Variants in NBPF9 observed in about 807,000 individuals in gnomAD.
The protein encoded by NBPF9 is NBPF member 9.
NBPF9 carries 91 observed loss-of-function variants against 97.8 expected under a neutral mutation model. The observed-to-expected ratio is 0.93, with a 90% CI of 0.79 to 1.11. The LOEUF (loss-of-function observed/expected upper bound fraction) is 1.11, where lower values mean the gene tolerates loss of function less well. Among genes scored for constraint, NBPF9 ranks in the 50% least tolerant of loss-of-function variants. NBPF9 has a pLI of 0.00. For missense variants in NBPF9, 992 were observed against 939.5 expected (o/e 1.06, Z -0.73); for synonymous variants, 334 against 359.5 (o/e 0.93, Z 0.80).
intron 3 of NBPF9, among the ~76,000 whole-genome samples, chr1:149,099,718 C>A (rs1336311251): frequency 5.9e-5 from 9 of 152,056 alleles, no homozygotes; most frequent in Non-Finnish European, 1.0e-4. Context: ...GCGGTGATGG[C>A]TTATGCCTGT....
chr1:149,060,330 A>T (rs1375621214), intron 24 of NBPF9, 193 bp downstream of exon 24: 2 of 438,804 alleles, frequency 4.6e-6, no homozygotes, highest in Admixed American at 3.8e-5. Flanking sequence ...CTAGGAAGAG[A>T]GTCTTGCCCA....
exon 14 of NBPF9, chr1:149,072,740 G>T (rs781998487): frequency 1.4e-5 from 22 of 1,611,404 alleles, no homozygotes; most frequent in Non-Finnish European, 1.9e-5. Context: ...TTTGGACAAG[G>T]TGCTGTGCCA....
At chr1:149,077,445 G>A in intron 10 of NBPF9, 26 bp from the exon 11 acceptor site, 1 of 1,605,856 alleles carries the variant, frequency 6.2e-7, no homozygotes, top group East Asian at 2.2e-5. Context: ...GGACAGAGAT[G>A]ACAGAAGATT....
chr1:149,103,351 CG>C (rs1163898874), exon 1 of NBPF9: 3 of 152,100 alleles, frequency 2.0e-5, no homozygotes, highest in Admixed American at 6.5e-5. Flanking sequence ...CCCATCCAGA[CG>C]GCAGCCGCGC....
Position 149,058,925 on chromosome 1 carries a change from T to C in NBPF9, c.2758A>G (p.Arg920Gly), listed in dbSNP as rs1248289652. ...ATCACCTTCATAGTAAGGTACTCAC[T>C]GTCCACGTCAAGAGCCAAGCCAAGG... Residue 920 changes from arginine to glycine, a missense_variant and splice_region_variant, in exon 26 of 30, where the codon AGA becomes GGA. By Grantham distance (125) the Arg-to-Gly change is moderately radical. Coordinates refer to ENST00000584027, the Ensembl canonical transcript of NBPF9. 32 of 511,190 alleles carry C rather than the reference T, an allele frequency of 6.3e-5. 4 individuals are homozygous for C. The highest frequency in any genetic ancestry group is 1.1e-4 in the African/African-American group (4 of 35,380). 31.7% of individuals were successfully genotyped at this position (511,190 alleles called of 1,614,324 possible). A position where few individuals can be genotyped will look rare whatever the true frequency, so the allele number is the denominator to read the frequency against.
At chr1:149,056,145 T>C (rs1226386073) in intron 29 of NBPF9, among the ~76,000 whole-genome samples, 1 of 151,706 alleles carries the variant, frequency 6.6e-6, no homozygotes, top group East Asian at 2.0e-4. Context: ...GCTAGTGAAT[T>C]GGCCAGGTGA....
chr1:149,065,900 G>T, intron 17 of NBPF9: 1 of 686,638 alleles, frequency 1.5e-6, no homozygotes, highest in Non-Finnish European at 2.4e-6. Flanking sequence ...CGTGTGCTCA[G>T]TACATTTGCC....
intron 15 of NBPF9, 50 bp from the exon 16 acceptor site, chr1:149,071,189 T>C (rs1553652873): frequency 4.0e-6 from 5 of 1,250,732 alleles, no homozygotes; most frequent in South Asian, 3.7e-5. Context: ...CACAGAGGGA[T>C]TGGACCCCAG....
chr1:149,068,099 C>T lies in NBPF9; in HGVS notation c.1637+1495G>A. On this transcript the variant is annotated intron_variant, in intron 17 of 29. Transcript: ENST00000584027. ...GCTGACAGATTTTGTCACCACCAGG[C>T]CTGCCTTACAAGAGCTCCTAAAGGA... Among the ~76,000 whole-genome samples, 3 of 147,706 alleles carry T rather than the reference C, an allele frequency of 2.0e-5. 1 individual carries two copies. Among genetic ancestry groups the T allele is most frequent in the Admixed American group, 2.0e-4 (3 of 15,046 alleles).
chr1:149,072,926 A>G (rs1277936935), exon 14 of NBPF9: 32 of 1,606,716 alleles, frequency 2.0e-5, no homozygotes, highest in Non-Finnish European at 2.7e-5. Flanking sequence ...CCAGGACTTT[A>G]TATTGCCTAA....
chr1:149,076,230 C>T (rs1490172908), intron 11 of NBPF9, among the ~76,000 whole-genome samples: 1 of 151,366 alleles, frequency 6.6e-6, no homozygotes, highest in African/African-American at 2.4e-5. Flanking sequence ...CAGAGTCTCA[C>T]TCTGTCACGC....
At chr1:149,055,694 G>T (rs1553648643) in exon 30 of NBPF9, 2 of 1,611,788 alleles carry the variant, frequency 1.2e-6, no homozygotes, top group Admixed American at 1.7e-5. Context: ...AACACCAGGT[G>T]GAGACTTGTC....
In NBPF9 at chr1:149,073,879, AGAC is replaced by A. The variant is rs2079624879; in HGVS notation, c.989-12_989-10del. The A allele has an allele frequency of 6.9e-7, 1 of 1,443,070 alleles. No homozygotes were observed. Among genetic ancestry groups the A allele is most frequent in the South Asian group, 1.1e-5 (1 of 87,544 alleles). 89.4% of individuals were successfully genotyped at this position (1,443,070 alleles called of 1,614,324 possible). On this transcript the variant is annotated splice_polypyrimidine_tract_variant and intron_variant, in intron 12 of 29. Transcript: ENST00000584027. ...TTTACACTCTTCATACTCTGAGAAA[AGAC>A]AGACACGCCTGCCTCAGTGGAAGGC...
intron 11 of NBPF9, among the ~76,000 whole-genome samples, chr1:149,076,979 A>G (rs2079932062): frequency 1.3e-5 from 2 of 151,004 alleles, no homozygotes; most frequent in Non-Finnish European, 3.0e-5. Flanking sequence ...TGTTCTTTGT[A>G]AAGATGGGTT....
intron 5 of NBPF9, among the ~76,000 whole-genome samples, chr1:149,087,389 T>G (rs1413685399): frequency 6.6e-6 from 1 of 150,936 alleles, no homozygotes; most frequent in Admixed American, 6.6e-5. Flanking sequence ...ATATATGTCC[T>G]AAGAATCAAT....
chr1:149,056,132 T>G (rs1478564216), intron 29 of NBPF9, among the ~76,000 whole-genome samples: 1 of 150,092 alleles, frequency 6.7e-6, no homozygotes, highest in Non-Finnish European at 1.5e-5. Context: ...AGAGAGAAAG[T>G]GAGCTAGTGA....
At chr1:149,078,816 G>C (rs1173076063) in intron 9 of NBPF9, among the ~76,000 whole-genome samples, 191 bp downstream of exon 9, 4 of 145,888 alleles carry the variant, frequency 2.7e-5, no homozygotes, top group Admixed American at 1.3e-4. Flanking sequence ...AGGGACACTT[G>C]CAATACTGTG....
At chr1:149,077,476 C>T (rs1575846113) in intron 10 of NBPF9, 57 bp from the exon 11 acceptor site, 2 of 1,601,684 alleles carry the variant, frequency 1.2e-6, no homozygotes, top group Non-Finnish European at 1.7e-6. Flanking sequence ...GGATTGGACC[C>T]CAGGGAGTAC....
At chr1:149,059,522 A>G (rs200895603) in intron 25 of NBPF9, 178 bp downstream of exon 25, 1 of 414,666 alleles carries the variant, frequency 2.4e-6, no homozygotes, top group Non-Finnish European at 4.3e-6. Flanking sequence ...TTAGGAAATG[A>G]TAAGGGGAGG....
Sources: gnomAD v4.1 joint callset for allele counts (sites outside exome capture counted in the v4.1 genomes callset) on GRCh38, gnomAD v4.1.1 for gene constraint, MANE v1.5 for transcripts, NCBI Gene and HGNC (gene_info 2026-07-23, HGNC 2026-07-21) for gene names.